SUSD4: variants seen among roughly 807,000 people sequenced by gnomAD.
The protein encoded by SUSD4 is sushi domain containing 4, also known as sushi domain-containing protein 4.
A neutral mutation model predicts 50.5 loss-of-function variants in SUSD4; 41 were observed. That is an observed-to-expected ratio of 0.81 (90% confidence interval 0.63 to 1.05). The LOEUF (loss-of-function observed/expected upper bound fraction) is 1.05, where lower values mean the gene tolerates loss of function less well. Among genes scored for constraint, SUSD4 ranks in the 50% least tolerant of loss-of-function variants. The pLI is 0.00. For missense variants in SUSD4, 580 were observed against 634.7 expected (o/e 0.91, Z 0.93); for synonymous variants, 257 against 257.3 (o/e 1.00, Z 0.01).
chr1:223,298,624 T>TC (rs1438879528), intron 2 of SUSD4, among the ~76,000 whole-genome samples: 1 of 151,978 alleles, frequency 6.6e-6, no homozygotes, highest in Non-Finnish European at 1.5e-5. Flanking sequence ...GATGGTCGTA[T>TC]CCCCCACTCT....
chr1:223,290,091 T>C (rs1664389314), intron 3 of SUSD4, among the ~76,000 whole-genome samples: 1 of 152,250 alleles, frequency 6.6e-6, no homozygotes, highest in African/African-American at 2.4e-5. Context: ...AACAATGTGA[T>C]AAATTATTAT....
intron 2 of SUSD4, among the ~76,000 whole-genome samples, chr1:223,343,069 A>T (rs991333647): frequency 2.6e-5 from 4 of 152,220 alleles, no homozygotes; most frequent in Non-Finnish European, 5.9e-5. Flanking sequence ...AATAGCCAAT[A>T]AAAAGAGGAA....
rs545998835 is a variant in SUSD4, at chr1:223,255,877, A to G, written c.724+8753T>C. The stretch of plus-strand genomic sequence containing the variant: ...GAGGGCCCAGGAGAGGCTAATTGAG[A>G]CCACGCCTCTGGCCAGCGGGTTTAT... On this transcript the variant is annotated intron_variant, in intron 5 of 8. Transcript: ENST00000366878. Among the ~76,000 whole-genome samples the G allele has an allele frequency of 9.2e-5, 14 of 152,260 alleles. No homozygotes were observed. The East Asian group carries it at 1.9e-3, about 21-fold the overall frequency.
intron 5 of SUSD4, among the ~76,000 whole-genome samples, chr1:223,256,973 C>T (rs984917981): frequency 7.9e-5 from 12 of 152,150 alleles, no homozygotes; most frequent in African/African-American, 2.7e-4. Flanking sequence ...ACTTGCTTCT[C>T]GTGACTGTTG....
At chr1:223,357,020 G>A (rs1440185737) in intron 2 of SUSD4, among the ~76,000 whole-genome samples, 3 of 152,194 alleles carry the variant, frequency 2.0e-5, no homozygotes, top group African/African-American at 7.2e-5. Context: ...AGGGAATGGT[G>A]ACGGCAGTGA....
intron 3 of SUSD4, among the ~76,000 whole-genome samples, chr1:223,280,981 A>G (rs966954561): frequency 1.3e-5 from 2 of 152,250 alleles, no homozygotes; most frequent in African/African-American, 4.8e-5. Flanking sequence ...CTGCTCCTGA[A>G]TGACTACTAG....
chr1:223,317,086 G>A, intron 2 of SUSD4, among the ~76,000 whole-genome samples: 1 of 152,334 alleles, frequency 6.6e-6, no homozygotes, highest in East Asian at 1.9e-4. Context: ...TGCATTCCCA[G>A]ATGGTTAAGG....
chr1:223,362,933 AC>A (rs1486193519), intron 2 of SUSD4, among the ~76,000 whole-genome samples: 3 of 66,506 alleles, frequency 4.5e-5, no homozygotes, highest in East Asian at 5.2e-4. Context: ...CACTGCCCCC[AC>A]CCCCCACCCC....
intron 8 of SUSD4, among the ~76,000 whole-genome samples, chr1:223,223,016 T>A (rs923977047): frequency 6.6e-6 from 1 of 152,214 alleles, no homozygotes. Context: ...CTCTTGAAAT[T>A]TCCATTAATG....
At chr1:223,223,873 C>T (rs1446837931) in intron 7 of SUSD4, among the ~76,000 whole-genome samples, 2 of 152,250 alleles carry the variant, frequency 1.3e-5, no homozygotes, top group Non-Finnish European at 2.9e-5. Flanking sequence ...TCGTGTCCTC[C>T]TGCCTCTGGG....
intron 2 of SUSD4, among the ~76,000 whole-genome samples, chr1:223,320,578 C>T (rs987776273): frequency 6.6e-6 from 1 of 152,132 alleles, no homozygotes; most frequent in African/African-American, 2.4e-5. Flanking sequence ...ACATCAACAT[C>T]TTCCTTGAGT....
At chr1:223,247,461 T>C (rs934632181) in intron 5 of SUSD4, among the ~76,000 whole-genome samples, 2 of 152,200 alleles carry the variant, frequency 1.3e-5, no homozygotes, top group East Asian at 1.9e-4. Context: ...ATTCACTCAA[T>C]GCCACTAGGT....
intron 2 of SUSD4, among the ~76,000 whole-genome samples, chr1:223,305,876 A>G (rs891827723): frequency 6.6e-6 from 1 of 152,212 alleles, no homozygotes; most frequent in Non-Finnish European, 1.5e-5. Flanking sequence ...TACATTGAAC[A>G]CTGCACTCAT....
chr1:223,230,104 C>T (rs190777235), intron 5 of SUSD4, among the ~76,000 whole-genome samples: 4 of 152,274 alleles, frequency 2.6e-5, no homozygotes, highest in South Asian at 2.1e-4. Context: ...GGTTCTGACT[C>T]GAATATCCCA....
intron 2 of SUSD4, among the ~76,000 whole-genome samples, chr1:223,354,621 G>GC (rs935882297): frequency 1.3e-5 from 2 of 152,056 alleles, no homozygotes; most frequent in African/African-American, 4.8e-5. Flanking sequence ...ATACAGATGA[G>GC]CCCCCCAACA....
intron 2 of SUSD4, among the ~76,000 whole-genome samples, chr1:223,323,999 T>C (rs528291147): frequency 6.6e-6 from 1 of 151,934 alleles, no homozygotes; most frequent in South Asian, 2.1e-4. Context: ...TCACCATCTG[T>C]GGATGTGAGG....
At chr1:223,249,260 G>A (rs539506146) in intron 5 of SUSD4, among the ~76,000 whole-genome samples, 2 of 152,126 alleles carry the variant, frequency 1.3e-5, no homozygotes, top group African/African-American at 2.4e-5. Flanking sequence ...AAAATGGAGC[G>A]TGTGTCCCAC....
intron 2 of SUSD4, chr1:223,360,250 GC>G (rs925463149): frequency 2.1e-6 from 1 of 470,774 alleles, no homozygotes; most frequent in Admixed American, 2.3e-5. Flanking sequence ...CTTCCTTGAA[GC>G]CTGGGGGTGG....
At chr1:223,267,102 T>C (rs1198610731) in intron 4 of SUSD4, among the ~76,000 whole-genome samples, 1 of 152,146 alleles carries the variant, frequency 6.6e-6, no homozygotes, top group Non-Finnish European at 1.5e-5. Context: ...AAAAACTATG[T>C]CTTGACTGGG....
Sources: gnomAD v4.1 joint callset for allele counts (sites outside exome capture counted in the v4.1 genomes callset) on GRCh38, gnomAD v4.1.1 for gene constraint, MANE v1.5 for transcripts, NCBI Gene and HGNC (gene_info 2026-07-23, HGNC 2026-07-21) for gene names.